MKLN1: variants seen among roughly 807,000 people sequenced by gnomAD.
MKLN1 encodes muskelin 1, also known as muskelin.
MKLN1 carries 18 observed loss-of-function variants against 99.0 expected under a neutral mutation model. The ratio of observed to expected loss-of-function variants is 0.18; its 90% CI spans 0.13 to 0.27. The LOEUF (loss-of-function observed/expected upper bound fraction) is 0.27. MKLN1 is among the 10% of genes least tolerant of loss of function. The pLI, the probability that MKLN1 is intolerant of heterozygous loss-of-function variation, is 1.00. For missense variants in MKLN1, 621 were observed against 875.9 expected (o/e 0.71, Z 3.67); for synonymous variants, 288 against 293.2 (o/e 0.98, Z 0.18).
At chr7:131,383,116 G>T (rs928521225) in intron 2 of MKLN1, among the ~76,000 whole-genome samples, 1 of 152,126 alleles carries the variant, frequency 6.6e-6, no homozygotes, top group South Asian at 2.1e-4. Context: ...AATGGATATT[G>T]AATTTTGTTG....
At chr7:131,301,281 C>T (rs1798373728) in intron 3 of MKLN1, among the ~76,000 whole-genome samples, 2 of 152,246 alleles carry the variant, frequency 1.3e-5, no homozygotes, top group South Asian at 4.1e-4. Context: ...GCTATGACAT[C>T]AGTGAACTAA....
intron 1 of MKLN1, among the ~76,000 whole-genome samples, chr7:131,355,684 T>A (rs1799854428): frequency 6.8e-6 from 1 of 147,666 alleles, no homozygotes; most frequent in Non-Finnish European, 1.5e-5. Context: ...TTTTTTTTTT[T>A]AAACAGGTCT....
chr7:131,341,327 T>C (rs982816526), intron 1 of MKLN1, among the ~76,000 whole-genome samples: 38 of 152,214 alleles, frequency 2.5e-4, no homozygotes, highest in Admixed American at 7.2e-4. Context: ...AAAGGAAAAC[T>C]GTAGCCTTTG....
intron 2 of MKLN1, among the ~76,000 whole-genome samples, chr7:131,190,596 A>G (rs1337167612): frequency 1.3e-5 from 2 of 152,042 alleles, no homozygotes; most frequent in Admixed American, 6.6e-5. Flanking sequence ...CTTCTTTAAC[A>G]ATAATTTATG....
intron 12 of MKLN1, among the ~76,000 whole-genome samples, chr7:131,461,031 G>A (rs1237352697): frequency 6.6e-6 from 1 of 152,104 alleles, no homozygotes; most frequent in Non-Finnish European, 1.5e-5. Context: ...GCATCCTTGA[G>A]GGACTGGTTC....
At chr7:131,403,590 A>G (rs995546352) in intron 6 of MKLN1, among the ~76,000 whole-genome samples, 5 of 152,194 alleles carry the variant, frequency 3.3e-5, no homozygotes, top group African/African-American at 9.6e-5. Context: ...AATTATTTCT[A>G]GTTTTTTTAT....
intron 2 of MKLN1, among the ~76,000 whole-genome samples, chr7:131,188,873 G>A (rs1796491557): frequency 6.6e-6 from 1 of 152,168 alleles, no homozygotes; most frequent in Non-Finnish European, 1.5e-5. Flanking sequence ...TCATACATCA[G>A]TCTATTCAGC....
Position 131,297,670 on chromosome 7 carries a change from A to G in MKLN1, c.-178-77754A>G, listed in dbSNP as rs182288317. 2.4e-3 allele frequency among the ~76,000 whole-genome samples: 364 copies of G among 152,310 alleles called. 3 individuals are homozygous for G. Among genetic ancestry groups the G allele is most frequent in the African/African-American group, 8.4e-3 (351 of 41,566 alleles). ...AATGCACAGATTGTGCCTTGGAACA[A>G]CTTTCAAAATGTCAATCAGTGCTCC... On this transcript the variant is annotated intron_variant, in intron 3 of 7. Coordinates refer to the MKLN1 transcript ENST00000416992.
intron 8 of MKLN1, among the ~76,000 whole-genome samples, chr7:131,422,063 C>T (rs7796727): frequency 0.99 from 150,912 of 152,316 alleles, 74,777 homozygotes; most frequent in Middle Eastern, 1. Context: ...GTTAACAAAA[C>T]TGGTGCATAA....
intron 17 of MKLN1, among the ~76,000 whole-genome samples, chr7:131,484,939 A>G (rs1026671397): frequency 6.6e-6 from 1 of 152,134 alleles, no homozygotes; most frequent in Non-Finnish European, 1.5e-5. Flanking sequence ...TTAAGAAATT[A>G]GAATTAACAA....
At chr7:131,262,718 T>C (rs994307433) in intron 3 of MKLN1, among the ~76,000 whole-genome samples, 4 of 151,766 alleles carry the variant, frequency 2.6e-5, no homozygotes, top group Admixed American at 6.6e-5. Flanking sequence ...ACCTAGCTAA[T>C]TTTTGTATTT....
chr7:131,193,347 G>A (rs916441108), intron 2 of MKLN1, among the ~76,000 whole-genome samples: 1 of 152,040 alleles, frequency 6.6e-6, no homozygotes, highest in African/African-American at 2.4e-5. Flanking sequence ...TCCATCTAAA[G>A]TCACATTTTT....
At chr7:131,242,459 C>A (rs1420145389) in intron 3 of MKLN1, 1 of 212,534 alleles carries the variant, frequency 4.7e-6, no homozygotes, top group East Asian at 1.5e-4. Flanking sequence ...TCCCTTGAGC[C>A]CAGGAGTTTG....
intron 3 of MKLN1, among the ~76,000 whole-genome samples, chr7:131,240,652 C>T (rs553487870): frequency 5.9e-5 from 9 of 152,298 alleles, no homozygotes; most frequent in Non-Finnish European, 8.8e-5. Context: ...TGTAACTTCA[C>T]TCTACTAATT....
intron 3 of MKLN1, among the ~76,000 whole-genome samples, chr7:131,229,058 A>G (rs1044751309): frequency 6.6e-6 from 1 of 152,158 alleles, no homozygotes; most frequent in African/African-American, 2.4e-5. Context: ...ATAAATCAAT[A>G]CATAGAAGGT....
At chr7:131,162,184 C>T (rs973826800) in intron 2 of MKLN1, among the ~76,000 whole-genome samples, 43 of 151,954 alleles carry the variant, frequency 2.8e-4, no homozygotes, top group African/African-American at 9.4e-4. Flanking sequence ...TCTGGAGTAG[C>T]TGGAATTACA....
intron 3 of MKLN1, among the ~76,000 whole-genome samples, chr7:131,277,590 T>C (rs1797993222): frequency 6.6e-6 from 1 of 152,136 alleles, no homozygotes; most frequent in African/African-American, 2.4e-5. Context: ...GGCCTTTTTG[T>C]ATTTTTAGTA....
chr7:131,121,044 C>A (rs1054107547), intron 1 of MKLN1, among the ~76,000 whole-genome samples: 6 of 152,260 alleles, frequency 3.9e-5, no homozygotes, highest in Non-Finnish European at 5.9e-5. Context: ...TTCTGTGGAG[C>A]TGTACAGGAA....
In MKLN1 at chr7:131,363,136, A is replaced by G. The variant is rs190711344; in HGVS notation, c.99-12288A>G. 1.1e-4 allele frequency among the ~76,000 whole-genome samples: 16 copies of G among 152,098 alleles called. No individual in the cohort carries two copies. The East Asian group carries it at 2.5e-3, about 24-fold the overall frequency. On this transcript the variant is annotated intron_variant, in intron 1 of 17. Coordinates refer to ENST00000352689, the MANE Select transcript of MKLN1 (RefSeq NM_013255.5). ...TGGTTTTCCTGTAGTTTTAGAAGGA[A>G]GAACTTCTGTAGGAGGAGGGGATAG...
Sources: gnomAD v4.1 joint callset for allele counts (sites outside exome capture counted in the v4.1 genomes callset) on GRCh38, gnomAD v4.1.1 for gene constraint, MANE v1.5 for transcripts, NCBI Gene and HGNC (gene_info 2026-07-23, HGNC 2026-07-21) for gene names.